TLN2: variants seen among roughly 807,000 people sequenced by gnomAD.
The protein encoded by TLN2 is talin 2.
Under a neutral mutation model 294.7 loss-of-function variants are expected in TLN2, and 118 were observed. That is an observed-to-expected ratio of 0.40 (90% CI 0.34 to 0.47). The LOEUF (loss-of-function observed/expected upper bound fraction) is 0.47, where lower values mean the gene tolerates loss of function less well. TLN2 is among the 20% of genes least tolerant of loss of function. The pLI, the probability that TLN2 is intolerant of heterozygous loss-of-function variation, is 0.84. For missense variants in TLN2, 3,083 were observed against 3,282.2 expected (o/e 0.94, Z 1.48); for synonymous variants, 1,431 against 1,304.5 (o/e 1.10, Z -2.09).
At chr15:62,632,705 A>G (rs1567224525) in intron 3 of TLN2, among the ~76,000 whole-genome samples, 1 of 152,204 alleles carries the variant, frequency 6.6e-6, no homozygotes, top group Non-Finnish European at 1.5e-5. Flanking sequence ...ATTGACCTGT[A>G]TCCTTCCCCT....
intron 54 of TLN2, among the ~76,000 whole-genome samples, chr15:62,826,396 T>G (rs905990262): frequency 1.3e-5 from 2 of 152,152 alleles, no homozygotes; most frequent in Admixed American, 6.5e-5. Flanking sequence ...GTGTGGTCCC[T>G]CCCCAGTCAC....
At chr15:62,575,593 A>T (rs1240661306) in intron 1 of TLN2, among the ~76,000 whole-genome samples, 1 of 136,842 alleles carries the variant, frequency 7.3e-6, no homozygotes. Flanking sequence ...ATTTCCATGG[A>T]ATCACTTAAA....
At chr15:62,768,557 T>A (rs544021459) in intron 41 of TLN2, among the ~76,000 whole-genome samples, 1 of 152,334 alleles carries the variant, frequency 6.6e-6, no homozygotes, top group East Asian at 1.9e-4. Flanking sequence ...GGTGTTTGAA[T>A]ATGGACATAT....
chr15:62,797,563 G>T (rs1411898679), intron 48 of TLN2, among the ~76,000 whole-genome samples, 161 bp downstream of exon 48: 1 of 152,216 alleles, frequency 6.6e-6, no homozygotes, highest in Non-Finnish European at 1.5e-5. Flanking sequence ...TCATCCAAGC[G>T]AGATAGTGGC....
chr15:62,634,096 G>A lies in TLN2; in HGVS notation c.-36-13179G>A, dbSNP rs942107615. Among the ~76,000 whole-genome samples, 13 of 152,282 alleles carry A rather than the reference G, an allele frequency of 8.5e-5. No individual in the cohort carries two copies. In the South Asian group the frequency reaches 1.4e-3, roughly 17 times the overall value. ...AAAGGTGCCATCTTCAAATAAGGTC[G>A]CAGTCTGAGGTCCTGGGGGTTAGGA... On this transcript the variant is annotated intron_variant, in intron 3 of 58. Transcript: ENST00000636159.
chr15:62,414,164 C>CAATATATATATATATATATATA lies in TLN2; in HGVS notation c.-238+23479_-238+23480insAATATATATATATATATATATA, dbSNP rs1273620699. On this transcript the variant is annotated intron_variant, in intron 1 of 58. Coordinates refer to ENST00000636159, the MANE Select transcript of TLN2 (RefSeq NM_015059.3). ...AGTGAAGTGTTAGCAAAAAAAAAAA[C>CAATATATATATATATATATATA]TATATATATATATATATATATATAT... 7.6e-3 allele frequency among the ~76,000 whole-genome samples: 690 copies of CAATATATATATATATATATATA among 90,552 alleles called. 34 individuals are homozygous for CAATATATATATATATATATATA. The highest frequency in any genetic ancestry group is 9.8e-3 in the Admixed American group (62 of 6,318). 59.4% of individuals were successfully genotyped at this position (90,552 alleles called of 152,430 possible).
rs183877965 is a variant in TLN2 at position 62,745,203 on chromosome 15, T to C, written c.4026-3148T>C. On this transcript the variant is annotated intron_variant, in intron 32 of 58. Transcript: ENST00000636159. ...TTGAAGTTGTAGATCCCAAGTTTTT[T>C]AGAAACTGAGAGTAGATAGATAAGC... is the stretch of plus-strand genomic sequence containing the variant. Among the ~76,000 whole-genome samples the C allele has an allele frequency of 8.0e-3, 1,219 of 152,342 alleles. 7 individuals carry two copies. Among genetic ancestry groups the C allele is most frequent in the Non-Finnish European group, 0.014 (970 of 68,026 alleles).
chr15:62,605,703 G>C (rs531360756), intron 2 of TLN2, among the ~76,000 whole-genome samples: 1 of 152,240 alleles, frequency 6.6e-6, no homozygotes, highest in South Asian at 2.1e-4. Flanking sequence ...TTTCTTCCTT[G>C]TGACTCGGTT....
intron 1 of TLN2, among the ~76,000 whole-genome samples, chr15:62,558,619 G>T (rs975193852): frequency 6.6e-6 from 1 of 152,142 alleles, no homozygotes; most frequent in Non-Finnish European, 1.5e-5. Context: ...GATACCCAGG[G>T]AATGAGTAGT....
intron 37 of TLN2, 125 bp from the exon 38 acceptor site, chr15:62,761,556 T>A (rs1035896799): frequency 7.4e-7 from 1 of 1,344,328 alleles, no homozygotes; most frequent in African/African-American, 1.4e-5. Flanking sequence ...TTATTGTTTA[T>A]GAAGTCACCA....
At chr15:62,417,100 T>C (rs938605470) in intron 1 of TLN2, among the ~76,000 whole-genome samples, 10 of 152,096 alleles carry the variant, frequency 6.6e-5, no homozygotes, top group African/African-American at 2.4e-4. Flanking sequence ...GCGTCAGGTG[T>C]TAGGGCACCC....
chr15:62,797,437 T>C (rs966179607), intron 48 of TLN2, 35 bp downstream of exon 48: 4 of 1,550,922 alleles, frequency 2.6e-6, no homozygotes, highest in Non-Finnish European at 1.7e-6. Flanking sequence ...GTCCTCCCGG[T>C]CTTCCCGTGA....
intron 32 of TLN2, among the ~76,000 whole-genome samples, chr15:62,742,343 T>C (rs1307918369): frequency 3.9e-5 from 6 of 152,122 alleles, no homozygotes; most frequent in Non-Finnish European, 5.9e-5. Context: ...CGTTGCTTTT[T>C]TTCCTACAAA....
At chr15:62,820,434 T>C in intron 53 of TLN2, 52 bp from the exon 54 acceptor site, 1 of 1,587,454 alleles carries the variant, frequency 6.3e-7, no homozygotes. Flanking sequence ...ATTAAGCCAG[T>C]GCCCTGAGGT....
intron 1 of TLN2, among the ~76,000 whole-genome samples, chr15:62,499,178 G>C (rs1370274433): frequency 6.6e-6 from 1 of 152,128 alleles, no homozygotes; most frequent in African/African-American, 2.4e-5. Context: ...ATTGACTAGA[G>C]GGGCTCACGC....
At chr15:62,783,372 C>T (rs2064349137) in intron 44 of TLN2, among the ~76,000 whole-genome samples, 1 of 152,226 alleles carries the variant, frequency 6.6e-6, no homozygotes, top group Non-Finnish European at 1.5e-5. Context: ...GGGCTTGTGC[C>T]TCCTGGGGGT....
At chr15:62,462,917 C>T (rs979974095) in intron 1 of TLN2, among the ~76,000 whole-genome samples, 11 of 152,174 alleles carry the variant, frequency 7.2e-5, no homozygotes, top group African/African-American at 2.7e-4. Context: ...ACAGCTGCCA[C>T]CCCCATAGGG....
chr15:62,584,011 T>C (rs987200634), intron 1 of TLN2, among the ~76,000 whole-genome samples: 2 of 152,350 alleles, frequency 1.3e-5, no homozygotes, highest in East Asian at 1.9e-4. Flanking sequence ...TGCATTGATA[T>C]TGTTGGCACC....
chr15:62,816,828 C>T (rs1392125373), intron 52 of TLN2, among the ~76,000 whole-genome samples: 1 of 152,170 alleles, frequency 6.6e-6, no homozygotes, highest in Non-Finnish European at 1.5e-5. Flanking sequence ...CTATTAATAA[C>T]CTGGTAGTCG....
Sources: allele counts gnomAD v4.1 joint callset (sites outside exome capture counted in the v4.1 genomes callset), GRCh38; gene constraint gnomAD v4.1.1; transcripts MANE v1.5; gene names NCBI Gene and HGNC (gene_info 2026-07-23, HGNC 2026-07-21).